PDE4B: variants seen among roughly 807,000 people sequenced by gnomAD.
PDE4B encodes phosphodiesterase 4B, also known as 3',5'-cyclic-AMP phosphodiesterase 4B.
A neutral mutation model predicts 82.2 loss-of-function variants in PDE4B; 20 were observed. The observed-to-expected ratio is 0.24, with a 90% confidence interval of 0.17 to 0.35. PDE4B has a LOEUF of 0.35. Ranked by LOEUF, PDE4B falls within the 10% of genes least tolerant of loss-of-function variation. The pLI is 1.00. For synonymous variants in PDE4B, 320 were observed against 318.9 expected (o/e 1.00, Z -0.04); for missense variants, 655 against 907.2 (o/e 0.72, Z 3.57).
chr1:65,864,576 A>C (rs1173781108), intron 1 of PDE4B, among the ~76,000 whole-genome samples: 1 of 151,918 alleles, frequency 6.6e-6, no homozygotes, highest in East Asian at 1.9e-4. Context: ...GTTGATGTTT[A>C]TGTTGCTTTC....
intron 1 of PDE4B, among the ~76,000 whole-genome samples, chr1:65,902,097 A>G (rs1431780806): frequency 6.6e-6 from 1 of 151,976 alleles, no homozygotes. Context: ...TGTGGTTTTG[A>G]GAGATCTTCA....
chr1:65,799,114 T>A (rs1463203499), intron 1 of PDE4B, among the ~76,000 whole-genome samples: 2 of 152,298 alleles, frequency 1.3e-5, no homozygotes, highest in East Asian at 3.9e-4. Context: ...TCTCCTAGTA[T>A]ATCACAGTGC....
At position 66,302,930 on chromosome 1, in the gene PDE4B, C is replaced by G. The variant is rs1364652503; in HGVS notation, c.635-29578C>G. Reference sequence around the variant, plus strand: ...TGTGTGTAACTCCTTCAGTTTATCACTTGGAAACCACTTCCTCTAAGAAGA... The same window carrying G: ...TGTGTGTAACTCCTTCAGTTTATCAGTTGGAAACCACTTCCTCTAAGAAGA... On this transcript the variant is annotated intron_variant, in intron 7 of 16. Coordinates refer to ENST00000341517, the MANE Select transcript of PDE4B (RefSeq NM_002600.4). Among the ~76,000 whole-genome samples the G allele has an allele frequency of 2.0e-5, 3 of 152,182 alleles. No homozygotes were observed. The East Asian group carries it at 5.8e-4, about 29-fold the overall frequency.
chr1:66,342,321 A>G (rs1221780863), intron 8 of PDE4B, among the ~76,000 whole-genome samples: 2 of 152,166 alleles, frequency 1.3e-5, no homozygotes, highest in Non-Finnish European at 2.9e-5. Flanking sequence ...TTAGTATATA[A>G]TGTAAGAAAT....
chr1:66,192,318 A>G (rs539730326), intron 3 of PDE4B, among the ~76,000 whole-genome samples: 126 of 152,280 alleles, frequency 8.3e-4, no homozygotes, highest in African/African-American at 2.9e-3. Flanking sequence ...ATTTAAAAAA[A>G]CCATTTGGTA....
At chr1:66,165,457 T>G (rs1332123532) in intron 3 of PDE4B, among the ~76,000 whole-genome samples, 1 of 152,058 alleles carries the variant, frequency 6.6e-6, no homozygotes, top group Non-Finnish European at 1.5e-5. Context: ...AGAACTTAAT[T>G]GTGCAGATAA....
intron 3 of PDE4B, among the ~76,000 whole-genome samples, chr1:66,051,324 G>A (rs1203041715): frequency 6.6e-6 from 1 of 152,006 alleles, no homozygotes; most frequent in Non-Finnish European, 1.5e-5. Flanking sequence ...CAAGTCACTC[G>A]ACCTCACCTT....
intron 3 of PDE4B, among the ~76,000 whole-genome samples, chr1:66,085,699 G>C (rs565135059): frequency 1.3e-5 from 2 of 152,178 alleles, no homozygotes; most frequent in Non-Finnish European, 2.9e-5. Context: ...AAACAGAGTG[G>C]CTGGGTACTC....
At chr1:66,371,307 A>C (rs2050774634) in intron 16 of PDE4B, among the ~76,000 whole-genome samples, 1 of 151,522 alleles carries the variant, frequency 6.6e-6, no homozygotes, top group Middle Eastern at 3.4e-3. Flanking sequence ...TCTACCCCTA[A>C]ATCCCAATGC....
chr1:66,212,799 G>T (rs1489563970), intron 3 of PDE4B, among the ~76,000 whole-genome samples: 2 of 152,078 alleles, frequency 1.3e-5, no homozygotes, highest in Non-Finnish European at 2.9e-5. Context: ...CCCCGACATG[G>T]CATCACAGGA....
At chr1:66,195,002 T>A (rs1015652972) in intron 3 of PDE4B, among the ~76,000 whole-genome samples, 2 of 152,036 alleles carry the variant, frequency 1.3e-5, no homozygotes, top group Non-Finnish European at 2.9e-5. Context: ...TAGTAATGAG[T>A]TTTTAAAAAT....
rs1189630655 is a variant in PDE4B at position 66,181,618 on chromosome 1, T to G, written c.282-65842T>G. 2.0e-5 allele frequency among the ~76,000 whole-genome samples: 3 copies of G among 152,180 alleles called. 1 individual carries two copies. Among genetic ancestry groups the G allele is most frequent in the Admixed American group, 2.0e-4 (3 of 15,276 alleles). On this transcript the variant is annotated intron_variant, in intron 3 of 16. Transcript: ENST00000341517. ...TTGAATAGCTTTAGATTCTATTGAG[T>G]GTGGCTACATAATCTTGAGATTGAC...
chr1:66,167,755 T>A (rs1646763306), intron 3 of PDE4B, among the ~76,000 whole-genome samples: 1 of 152,210 alleles, frequency 6.6e-6, no homozygotes, highest in African/African-American at 2.4e-5. Flanking sequence ...GTGGTTATGG[T>A]GGTAAATTAG....
intron 6 of PDE4B, 139 bp downstream of exon 6, chr1:66,258,002 A>C: frequency 1.6e-6 from 1 of 628,926 alleles, no homozygotes; most frequent in Non-Finnish European, 2.8e-6. Context: ...ATTTGAAAAC[A>C]GGATGGAGCA....
chr1:65,990,172 A>T (rs1021112916), intron 3 of PDE4B, among the ~76,000 whole-genome samples: 5 of 152,134 alleles, frequency 3.3e-5, no homozygotes, highest in African/African-American at 1.2e-4. Flanking sequence ...GAAAAAAGTA[A>T]TGTGGAATCC....
chr1:66,180,467 T>G (rs772129283), intron 3 of PDE4B, among the ~76,000 whole-genome samples: 5 of 152,190 alleles, frequency 3.3e-5, no homozygotes, highest in Non-Finnish European at 5.9e-5. Flanking sequence ...GCACAATTTA[T>G]AATTTAAAAA....
intron 1 of PDE4B, among the ~76,000 whole-genome samples, chr1:65,860,546 C>G (rs148407036): frequency 6.6e-6 from 1 of 152,070 alleles, no homozygotes; most frequent in South Asian, 2.1e-4. Context: ...ATATATAATC[C>G]TTTGGGTATA....
chr1:66,110,174 C>T (rs552019375), intron 3 of PDE4B, among the ~76,000 whole-genome samples: 2 of 152,030 alleles, frequency 1.3e-5, no homozygotes, highest in Admixed American at 6.6e-5. Context: ...AAAATTATTG[C>T]TTAAACCTAG....
chr1:65,964,446 T>C (rs534344654), intron 3 of PDE4B, among the ~76,000 whole-genome samples: 4 of 152,206 alleles, frequency 2.6e-5, no homozygotes, highest in Non-Finnish European at 4.4e-5. Context: ...TGGATTCTGG[T>C]ATTTTTGGTT....
Sources: allele counts gnomAD v4.1 joint callset (sites outside exome capture counted in the v4.1 genomes callset), GRCh38; gene constraint gnomAD v4.1.1; transcripts MANE v1.5; gene names NCBI Gene and HGNC (gene_info 2026-07-23, HGNC 2026-07-21).